Variants in SYT4 observed in about 807,000 individuals in gnomAD.
SYT4 encodes the protein synaptotagmin 4, also known as synaptotagmin-4.
SYT4 carries 7 observed loss-of-function variants against 32.9 expected under a neutral mutation model. The observed-to-expected ratio is 0.21, with a 90% CI of 0.12 to 0.40. SYT4 has a LOEUF of 0.40. Among genes scored for constraint, SYT4 ranks in the 10% least tolerant of loss-of-function variants. The pLI is 1.00. For missense variants in SYT4, 480 were observed against 488.0 expected, an observed-to-expected ratio of 0.98 and a Z score of 0.16; for synonymous variants, 205 against 186.2, an observed-to-expected ratio of 1.10 and a Z score of -0.82.
chr18:43,273,837 T>C lies in SYT4; in HGVS notation c.592A>G (p.Ile198Val), dbSNP rs1205265773. 1.3e-5 allele frequency: 21 copies of C among 1,613,926 alleles called. No homozygotes were observed. The highest frequency in any genetic ancestry group is 1.8e-5 in the Non-Finnish European group (21 of 1,179,946). The stretch of plus-strand genomic sequence containing the variant: ...ACTTTATGCTTCTTCTCTGGGAGGA[T>C]CGTCATTTTGATATATGGGTCAGAG... ...MTSDPYIKMTILPEKKHKVKT... is the reference protein window; with the variant it reads ...MTSDPYIKMTVLPEKKHKVKT... Residue 198 changes from isoleucine to valine, a missense_variant, in exon 2 of 4, where the codon ATC (isoleucine) becomes GTC (valine). Transcript: ENST00000255224.
At chr18:43,272,486 T>C (rs561720619) in intron 2 of SYT4, among the ~76,000 whole-genome samples, 3 of 152,274 alleles carry the variant, frequency 2.0e-5, no homozygotes, top group Admixed American at 2.0e-4. Context: ...GCGTCCTTCT[T>C]TGCGTGCTAC....
At chr18:43,270,685 C>A in intron 3 of SYT4, 37 bp from the exon 4 acceptor site, 1 of 1,602,560 alleles carries the variant, frequency 6.2e-7, no homozygotes, top group Non-Finnish European at 8.5e-7. Flanking sequence ...AATGGCATAA[C>A]TGGGCTGGAG....
intron 1 of SYT4, among the ~76,000 whole-genome samples, chr18:43,275,166 T>C (rs1033708329): frequency 1.3e-5 from 2 of 152,100 alleles, no homozygotes; most frequent in African/African-American, 4.8e-5. Flanking sequence ...TAACATGTAA[T>C]GAGAACAGTG....
chr18:43,269,148 T>C lies in SYT4; in HGVS notation c.*1193A>G, dbSNP rs959160726. On this transcript the variant is annotated 3_prime_UTR_variant, in exon 4 of 4. Coordinates refer to ENST00000255224, the MANE Select transcript of SYT4 (RefSeq NM_020783.4). ...CAAGACACAAGTCTGTAAACTGCTC[T>C]ATAGACAACAGCTCAAGACAAATTA... 1.3e-5 allele frequency: 2 copies of C among 152,184 alleles called. No individual in the cohort carries two copies. Among genetic ancestry groups the C allele is most frequent in the African/African-American group, 4.8e-5 (2 of 41,446 alleles). 9.4% of individuals were successfully genotyped at this position (152,184 alleles called of 1,614,324 possible).
rs1174555229 is a variant in SYT4, at chr18:43,273,945, C to T, written c.484G>A (p.Glu162Lys). The change falls in exon 2 of 4, where the codon GAA becomes AAA. Residue 162 changes from glutamate to lysine, a missense_variant. Glu to Lys is a moderately conservative substitution (Grantham distance 56). Coordinates refer to ENST00000255224, the MANE Select transcript of SYT4 (RefSeq NM_020783.4). ...EKLGTLFFSL[E>K]YNFERKAFVV... is the part of the protein sequence containing the mutation. ...AATGCTTTTCTCTCGAAGTTGTATT[C>T]TAAGGAGAAGAAGAGAGTTCCCAGC... 6.2e-7 allele frequency: 1 copy of T among 1,613,846 alleles called. No homozygotes were observed. Among genetic ancestry groups the T allele is most frequent in the Non-Finnish European group, 8.5e-7 (1 of 1,179,934 alleles).
chr18:43,274,291 G>A lies in SYT4; in HGVS notation c.138C>T (p.Asn46=). The change falls in exon 2 of 4, where the codon AAC becomes AAT. Residue 46 remains asparagine (N), a synonymous_variant. Coordinates refer to ENST00000255224, the MANE Select transcript of SYT4 (RefSeq NM_020783.4). ...GCACAAACTTGTATGGAGGAGTCTTGTTAGACTTGGATGATTTTCTCTGAC... is the reference window on the plus strand; with the variant it reads ...GCACAAACTTGTATGGAGGAGTCTTATTAGACTTGGATGATTTTCTCTGAC... The part of the protein sequence containing the change: ...ICCQRKSSKS[N]KTPPYKFVHV... 1 of 1,613,870 alleles carries A rather than the reference G, an allele frequency of 6.2e-7. No homozygotes were observed.
At position 43,268,799 on chromosome 18, in the gene SYT4, G is replaced by T. The variant is rs1383584887; in HGVS notation, c.*1542C>A. On this transcript the variant is annotated 3_prime_UTR_variant, in exon 4 of 4. Coordinates refer to ENST00000255224, the MANE Select transcript of SYT4 (RefSeq NM_020783.4). Reference sequence around the variant, plus strand: ...AATGTAATACATTTTCTTTACATTAGGCATAGTCATAAAAAGCATGTATAA... The same window carrying T: ...AATGTAATACATTTTCTTTACATTATGCATAGTCATAAAAAGCATGTATAA... 2.0e-5 allele frequency: 3 copies of T among 152,468 alleles called. No homozygotes were observed. Among genetic ancestry groups the T allele is most frequent in the Non-Finnish European group, 2.9e-5 (2 of 68,020 alleles). The allele number at this position is 152,468 out of a possible 1,614,324, so 9.4% of individuals were successfully genotyped here.
In SYT4 at chr18:43,273,999, A is replaced by G; in HGVS notation, c.430T>C (p.Ser144Pro). The G allele has an allele frequency of 6.2e-7, 1 of 1,613,930 alleles. No individual in the cohort carries two copies. The highest frequency in any genetic ancestry group is 8.5e-7 in the Non-Finnish European group (1 of 1,179,936). Residue 144 changes from serine (S) to proline (P), a missense_variant, in exon 2 of 4, where the codon TCC becomes CCC. Transcript: ENST00000255224. ...TCTTGTTTCTCTTCTGAAGTAAGGGAAGTGCTGGACTTTAAACTCTCAGGG... is the reference window on the plus strand; with the variant it reads ...TCTTGTTTCTCTTCTGAAGTAAGGGGAGTGCTGGACTTTAAACTCTCAGGG... ...VSPESLKSST[S>P]LTSEEKQEKL...
In SYT4 at chr18:43,273,714, G is replaced by C; in HGVS notation, c.715C>G (p.His239Asp). 6.2e-7 allele frequency: 1 copy of C among 1,614,000 alleles called. No individual in the cohort carries two copies. Among genetic ancestry groups the C allele is most frequent in the Non-Finnish European group, 8.5e-7 (1 of 1,179,908 alleles). ...CTGTCAAAACTCAAAATTGTGAAGT[G>C]CAAGGCCAATTCTTGGATTTGGGTG... is the stretch of plus-strand genomic sequence containing the variant. ...PYTQIQELAL[H>D]FTILSFDRFS... The change falls in exon 2 of 4, where the codon CAC becomes GAC. Residue 239 changes from histidine to aspartate, a missense_variant. His to Asp is a moderately conservative substitution (Grantham distance 81, BLOSUM62 -1). Transcript: ENST00000255224.
intron 1 of SYT4, among the ~76,000 whole-genome samples, chr18:43,275,299 G>A (rs909880789): frequency 6.6e-6 from 1 of 151,934 alleles, no homozygotes; most frequent in Non-Finnish European, 1.5e-5. Flanking sequence ...ACTGACATTA[G>A]GTAATATCAA....
At position 43,268,838 on chromosome 18, in the gene SYT4, T is replaced by C. The variant is rs1443188496; in HGVS notation, c.*1503A>G. 6.6e-6 allele frequency: 1 copy of C among 152,668 alleles called. No individual in the cohort carries two copies. The highest frequency in any genetic ancestry group is 1.5e-5 in the Non-Finnish European group (1 of 68,044). The allele number at this position is 152,668 out of a possible 1,614,324, so 9.5% of individuals were successfully genotyped here. A position where few individuals can be genotyped will look rare whatever the true frequency, so the allele number is the denominator to read the frequency against. On this transcript the variant is annotated 3_prime_UTR_variant, in exon 4 of 4. Transcript: ENST00000255224. ...AAGCATGTATAAGTTGTTTGGAAAA[T>C]GCATTTTTCATAGAATTTACAAACA...
Position 43,271,804 on chromosome 18 carries a change from A to G in SYT4, c.878T>C (p.Ile293Thr), listed in dbSNP as rs777571572. The change falls in exon 3 of 4, where the codon ATC becomes ACC. Residue 293 changes from isoleucine (I) to threonine (T), a missense_variant. Transcript: ENST00000255224. ...TGTGGTGGACTGATAGCAGAGAGAG[A>G]TCAGTAACTCACCCCGTCCTGAAGA... Reference protein sequence around the residue: ...RKSSGRGELLISLCYQSTTNT... With the variant: ...RKSSGRGELLTSLCYQSTTNT... 6.2e-7 allele frequency: 1 copy of G among 1,613,106 alleles called. No individual in the cohort carries two copies. Among genetic ancestry groups the G allele is most frequent in the South Asian group, 1.1e-5 (1 of 91,050 alleles).
In SYT4 at chr18:43,274,291, G is replaced by C; in HGVS notation, c.138C>G (p.Asn46Lys). 6.2e-7 allele frequency: 1 copy of C among 1,613,870 alleles called. No homozygotes were observed. The highest frequency in any genetic ancestry group is 8.5e-7 in the Non-Finnish European group (1 of 1,179,904). ...ICCQRKSSKSNKTPPYKFVHV... is the reference protein window; with the variant it reads ...ICCQRKSSKSKKTPPYKFVHV... The stretch of plus-strand genomic sequence containing the variant: ...GCACAAACTTGTATGGAGGAGTCTT[G>C]TTAGACTTGGATGATTTTCTCTGAC... Residue 46 changes from asparagine (N) to lysine (K), a missense_variant, in exon 2 of 4, where the codon AAC becomes AAG. By Grantham distance (94) the Asn-to-Lys change is moderately conservative. Transcript: ENST00000255224.
At chr18:43,276,398 T>G (rs73485599) in intron 1 of SYT4, among the ~76,000 whole-genome samples, 5,224 of 152,288 alleles carry the variant, frequency 0.034, 294 homozygotes, top group African/African-American at 0.12. Context: ...CTATGAAATT[T>G]CATGATTTAA....
Position 43,273,797 on chromosome 18 carries a change from A to C in SYT4, c.632T>G (p.Leu211Arg). The change falls in exon 2 of 4, where the codon CTG becomes CGG. Residue 211 changes from leucine (L) to arginine (R), a missense_variant. Transcript: ENST00000255224. The stretch of plus-strand genomic sequence containing the variant: ...AAAAGCTGGATCCAAGGTTTTTCTC[A>C]GCACTCTAGTTTTCACTTTATGCTT... ...EKKHKVKTRV[L>R]RKTLDPAFDE... 6.2e-7 allele frequency: 1 copy of C among 1,614,058 alleles called. No individual in the cohort carries two copies. Among genetic ancestry groups the C allele is most frequent in the African/African-American group, 1.3e-5 (1 of 75,048 alleles).
rs1293256717 is a variant in SYT4, at chr18:43,270,510, A to C, written c.1109T>G (p.Ile370Arg). ...ATCCAAAACCAAAAATTCAACACTT[A>C]TATCTTCAAGGCCCTCACAAGGAAT... ...FDIPCEGLED[I>R]SVEFLVLDSE... Residue 370 changes from isoleucine to arginine, a missense_variant, in exon 4 of 4, where the codon ATA (isoleucine) becomes AGA (arginine). Transcript: ENST00000255224. 1 of 1,614,060 alleles carries C rather than the reference A, an allele frequency of 6.2e-7. No homozygotes were observed. The highest frequency in any genetic ancestry group is 8.5e-7 in the Non-Finnish European group (1 of 1,179,988).
Position 43,270,021 on chromosome 18 carries a change from A to G in SYT4, c.*320T>C, listed in dbSNP as rs1481345796. 2 of 278,216 alleles carry G rather than the reference A, an allele frequency of 7.2e-6. No individual in the cohort carries two copies. Among genetic ancestry groups the G allele is most frequent in the Non-Finnish European group, 6.8e-6 (1 of 147,638 alleles). The allele number at this position is 278,216 out of a possible 1,614,324, so 17.2% of individuals were successfully genotyped here. A position where few individuals can be genotyped will look rare whatever the true frequency, so the allele number is the denominator to read the frequency against. Reference sequence around the variant, plus strand: ...ACATTAACTTTTTGTGACATGTTCCAATGAGATTGTCACATTTATAATTTG... The same window carrying G: ...ACATTAACTTTTTGTGACATGTTCCGATGAGATTGTCACATTTATAATTTG... On this transcript the variant is annotated 3_prime_UTR_variant, in exon 4 of 4. Coordinates refer to ENST00000255224, the MANE Select transcript of SYT4 (RefSeq NM_020783.4).
Position 43,277,341 on chromosome 18 carries a change from G to T in SYT4, c.-60C>A, listed in dbSNP as rs1422574457. On this transcript the variant is annotated 5_prime_UTR_variant, in exon 1 of 4. Transcript: ENST00000255224. ...GAAAACTGCCTGGCTGGATTCACTT[G>T]CCTGGATCTCAAGCGCCGGCTTTCG... 47 of 1,605,270 alleles carry T rather than the reference G, an allele frequency of 2.9e-5. 1 individual carries two copies. In the East Asian group the frequency reaches 1.1e-3, roughly 36 times the overall value.
At chr18:43,275,204 C>T (rs1176930769) in intron 1 of SYT4, among the ~76,000 whole-genome samples, 1 of 152,118 alleles carries the variant, frequency 6.6e-6, no homozygotes, top group Non-Finnish European at 1.5e-5. Context: ...TTATCTATAA[C>T]TGTCTCTTCC....
Sources: gnomAD v4.1 joint callset for allele counts (sites outside exome capture counted in the v4.1 genomes callset) on GRCh38, gnomAD v4.1.1 for gene constraint, MANE v1.5 for transcripts, NCBI Gene and HGNC (gene_info 2026-07-23, HGNC 2026-07-21) for gene names.